Variants in DYNC2H1 observed in about 807,000 individuals in gnomAD.
DYNC2H1 encodes the protein cytoplasmic dynein 2 heavy chain 1.
A neutral mutation model predicts 570.0 loss-of-function variants in DYNC2H1; 410 were observed. That is an observed-to-expected ratio of 0.72 (90% CI 0.66 to 0.78). The LOEUF is 0.78. Among genes scored for constraint, DYNC2H1 ranks in the 30% least tolerant of loss-of-function variants. The probability of loss-of-function intolerance (pLI) is 0.00; values close to 1 mark genes in which losing one functional copy is unlikely to be tolerated. For synonymous variants in DYNC2H1, 1,688 were observed against 1,677.6 expected (o/e 1.01, Z -0.15); for missense variants, 4,865 against 5,046.4 (o/e 0.96, Z 1.09).
intron 88 of DYNC2H1, among the ~76,000 whole-genome samples, chr11:103,475,306 A>C (rs1945517161): frequency 2.6e-5 from 4 of 152,204 alleles, no homozygotes; most frequent in African/African-American, 9.6e-5. Flanking sequence ...TTTCTGCATT[A>C]ATTGAACACA....
chr11:103,432,299 A>G (rs1193216179), intron 84 of DYNC2H1, among the ~76,000 whole-genome samples: 3 of 152,136 alleles, frequency 2.0e-5, no homozygotes, highest in Admixed American at 6.6e-5. Context: ...CACCTCTCCA[A>G]TTTGATTCAA....
At chr11:103,111,599 A>C (rs1032675241) in intron 1 of DYNC2H1, among the ~76,000 whole-genome samples, 3 of 152,180 alleles carry the variant, frequency 2.0e-5, no homozygotes, top group African/African-American at 7.2e-5. Flanking sequence ...TGCCACTGAA[A>C]GTTCGGATAG....
At chr11:103,207,296 A>G (rs1862977903) in intron 52 of DYNC2H1, among the ~76,000 whole-genome samples, 1 of 150,188 alleles carries the variant, frequency 6.7e-6, no homozygotes, top group Non-Finnish European at 1.5e-5. Flanking sequence ...GAATGATTTA[A>G]TAGGGAAGCA....
chr11:103,409,689 T>TATC (rs1307644779), intron 84 of DYNC2H1: 1 of 154,846 alleles, frequency 6.5e-6, no homozygotes, highest in Non-Finnish European at 1.4e-5. Context: ...GACAACCAGC[T>TATC]ATCACCAGGC....
chr11:103,175,774 A>G (rs1861777898), intron 36 of DYNC2H1, among the ~76,000 whole-genome samples: 1 of 152,186 alleles, frequency 6.6e-6, no homozygotes, highest in South Asian at 2.1e-4. Flanking sequence ...GAATTAGTTT[A>G]TCTGGAATTG....
chr11:103,460,599 A>C (rs1944976825), intron 87 of DYNC2H1, among the ~76,000 whole-genome samples: 1 of 151,582 alleles, frequency 6.6e-6, no homozygotes, highest in Non-Finnish European at 1.5e-5. Flanking sequence ...TGGCTGTCAC[A>C]GTTATGAGTA....
chr11:103,422,209 C>G (rs779169049), intron 84 of DYNC2H1, among the ~76,000 whole-genome samples: 4 of 151,926 alleles, frequency 2.6e-5, no homozygotes, highest in Non-Finnish European at 4.4e-5. Context: ...AGTAGCCTAC[C>G]ACCAAAAGAG....
At chr11:103,128,837 C>A in intron 12 of DYNC2H1, 73 bp from the exon 13 acceptor site, 1 of 1,250,698 alleles carries the variant, frequency 8.0e-7, no homozygotes, top group Non-Finnish European at 1.1e-6. Flanking sequence ...TTAACATTTT[C>A]ATTCAAACAA....
intron 61 of DYNC2H1, 78 bp downstream of exon 61, chr11:103,234,238 A>C: frequency 6.9e-7 from 1 of 1,448,770 alleles, no homozygotes; most frequent in Non-Finnish European, 9.2e-7. Flanking sequence ...GTTAAGAAAA[A>C]GGAGAGAAAG....
chr11:103,209,419 A>G lies in DYNC2H1; in HGVS notation c.8455-457A>G, dbSNP rs1863062520. Among the ~76,000 whole-genome samples, 1 of 152,050 alleles carries G rather than the reference A, an allele frequency of 6.6e-6. No homozygotes were observed. Reference sequence around the variant, plus strand: ...GTCACAGTGAGAATATACTTTTTAGAATGATCAGTTATGAAATTATTGATT... The same window carrying G: ...GTCACAGTGAGAATATACTTTTTAGGATGATCAGTTATGAAATTATTGATT... On this transcript the variant is annotated intron_variant, in intron 52 of 88. Coordinates refer to ENST00000375735, the MANE Select transcript of DYNC2H1 (RefSeq NM_001377.3). This position sits in a 1 kb window ranked among gnomAD's most constrained non-coding sequence, Gnocchi z 4.2.
intron 83 of DYNC2H1, among the ~76,000 whole-genome samples, chr11:103,360,782 T>C (rs995884500): frequency 3.3e-5 from 5 of 152,132 alleles, no homozygotes; most frequent in Non-Finnish European, 7.4e-5. Flanking sequence ...GTAAGAGAGA[T>C]ATTAGAAGAT....
chr11:103,380,718 G>A (rs1941608884), intron 83 of DYNC2H1, among the ~76,000 whole-genome samples: 1 of 152,234 alleles, frequency 6.6e-6, no homozygotes, highest in South Asian at 2.1e-4. Flanking sequence ...CACGGCACCA[G>A]CCTGGCTAAT....
rs1942564547 is a variant in DYNC2H1 at position 103,399,840 on chromosome 11, C to A, written c.12334C>A (p.Gln4112Lys). 6.2e-7 allele frequency: 1 copy of A among 1,613,202 alleles called. No individual in the cohort carries two copies. The highest frequency in any genetic ancestry group is 1.3e-5 in the African/African-American group (1 of 74,884). ...AACTACTTTACTGAGTTCAGAAGTA[C>A]AAAAATTGGCAAGTGCTTTATTAAA... ...RGTTLLSSEV[Q>K]KLASALLNQK... The change falls in exon 84 of 89, where the codon CAA becomes AAA. Residue 4112 changes from glutamine (Q) to lysine (K), a missense_variant. Gln to Lys is a moderately conservative substitution (Grantham distance 53). This residue lies in a region of DYNC2H1 where 2,401 missense variants were observed against 2,454.6 expected (regional missense o/e 0.98). Transcript: ENST00000375735.
rs779035599 is a variant in DYNC2H1 at position 103,151,749 on chromosome 11, A to G, written c.2947-387A>G. On this transcript the variant is annotated intron_variant, in intron 20 of 88. Coordinates refer to ENST00000375735, the MANE Select transcript of DYNC2H1 (RefSeq NM_001377.3). This position sits in a 1 kb window ranked among gnomAD's most constrained non-coding sequence, Gnocchi z 4.6. ...TAATTTAGTTAACTTATGCTCTTAG[A>G]TAATCACTAATTTTAGCTCCTTTAG... Among the ~76,000 whole-genome samples, 1 of 152,136 alleles carries G rather than the reference A, an allele frequency of 6.6e-6. No homozygotes were observed. Among genetic ancestry groups the G allele is most frequent in the Admixed American group, 6.6e-5 (1 of 15,244 alleles).
intron 74 of DYNC2H1, 81 bp from the exon 75 acceptor site, chr11:103,287,452 A>G (rs894511859): frequency 1.0e-5 from 11 of 1,082,020 alleles, no homozygotes; most frequent in Non-Finnish European, 1.5e-5. Flanking sequence ...CATTTGTTTA[A>G]TTAGTTAACA....
In DYNC2H1 at chr11:103,212,054, G is replaced by C. The variant is rs1213170622; in HGVS notation, c.8694+111G>C. 3.3e-6 allele frequency: 4 copies of C among 1,207,364 alleles called. No homozygotes were observed. The African/African-American group carries it at 6.3e-5, about 19-fold the overall frequency. 74.8% of individuals were successfully genotyped at this position (1,207,364 alleles called of 1,614,324 possible). On this transcript the variant is annotated intron_variant, in intron 54 of 88. Coordinates refer to ENST00000375735, the MANE Select transcript of DYNC2H1 (RefSeq NM_001377.3). ...TATATCTGGTATTAATAAATGTACT[G>C]TATTAAAAGCCTTGGAAAACAGTCT...
At chr11:103,168,733 C>T (rs1861438702) in intron 31 of DYNC2H1, 22 bp from the exon 32 acceptor site, 1 of 1,605,948 alleles carries the variant, frequency 6.2e-7, no homozygotes, top group Non-Finnish European at 8.5e-7. Context: ...CTCCAATTGT[C>T]AATATTTTTA....
chr11:103,375,994 C>T (rs2671378), intron 83 of DYNC2H1, among the ~76,000 whole-genome samples: 2 of 151,912 alleles, frequency 1.3e-5, no homozygotes, highest in South Asian at 2.1e-4. Context: ...TAATCCCCAC[C>T]TGTTATTTGA....
chr11:103,255,933 G>A (rs978321955), intron 67 of DYNC2H1, among the ~76,000 whole-genome samples, 173 bp from the exon 68 acceptor site: 2 of 151,870 alleles, frequency 1.3e-5, no homozygotes, highest in African/African-American at 2.4e-5. Flanking sequence ...TTTGATATAA[G>A]AAGACTATAA....
Sources: allele counts gnomAD v4.1 joint callset (sites outside exome capture counted in the v4.1 genomes callset), GRCh38; gene constraint gnomAD v4.1.1; regional missense constraint gnomAD v4.1.1; non-coding constraint Gnocchi (gnomAD v3.1); transcripts MANE v1.5; gene names NCBI Gene and HGNC (gene_info 2026-07-23, HGNC 2026-07-21).